EYA2: variants seen among roughly 807,000 people sequenced by gnomAD.
The protein encoded by EYA2 is protein phosphatase EYA2.
In EYA2, 31 loss-of-function variants were observed where a neutral mutation model predicts 69.2. The observed-to-expected ratio is 0.45, with a 90% CI of 0.34 to 0.60. EYA2 has a LOEUF of 0.60. EYA2 is among the 20% of genes least tolerant of loss of function. The probability of loss-of-function intolerance (pLI) is 0.02; values close to 1 mark genes in which losing one functional copy is unlikely to be tolerated. For missense variants in EYA2, 622 were observed against 701.2 expected, an observed-to-expected ratio of 0.89 and a Z score of 1.28; for synonymous variants, 257 against 279.4, an observed-to-expected ratio of 0.92 and a Z score of 0.80.
At chr20:46,994,620 G>T (rs1981896716) in intron 2 of EYA2, among the ~76,000 whole-genome samples, 1 of 152,162 alleles carries the variant, frequency 6.6e-6, no homozygotes, top group Non-Finnish European at 1.5e-5. Flanking sequence ...ATCCAAACCA[G>T]GCTGAGCTGC....
chr20:47,033,451 G>T (rs528141121), intron 5 of EYA2, among the ~76,000 whole-genome samples: 2 of 152,166 alleles, frequency 1.3e-5, no homozygotes, highest in East Asian at 3.8e-4. Context: ...ACAAAAACAG[G>T]TGACCAGCCC....
chr20:47,078,576 G>T (rs911813555), intron 7 of EYA2, among the ~76,000 whole-genome samples: 1 of 152,190 alleles, frequency 6.6e-6, no homozygotes, highest in African/African-American at 2.4e-5. Context: ...ACTCTGCATT[G>T]ACATGCATTA....
chr20:47,036,541 C>T (rs4809616), intron 5 of EYA2, among the ~76,000 whole-genome samples: 132,803 of 152,134 alleles, frequency 0.87, 58,703 homozygotes, highest in Non-Finnish European at 0.96. Flanking sequence ...AGTCATGCTT[C>T]TTGATAATAG....
At chr20:46,900,938 A>G (rs1034421683) in intron 1 of EYA2, among the ~76,000 whole-genome samples, 12 of 152,212 alleles carry the variant, frequency 7.9e-5, no homozygotes, top group African/African-American at 2.9e-4. Context: ...ATGCGCTTGA[A>G]GTGCATAAAT....
intron 5 of EYA2, among the ~76,000 whole-genome samples, chr20:47,053,158 C>T (rs560160362): frequency 6.6e-6 from 1 of 150,540 alleles, no homozygotes; most frequent in Non-Finnish European, 1.5e-5. Context: ...CCTCAAGGAT[C>T]CTTTTTAGAC....
intron 5 of EYA2, among the ~76,000 whole-genome samples, chr20:47,051,968 T>G (rs2030360761): frequency 6.6e-6 from 1 of 152,226 alleles, no homozygotes; most frequent in South Asian, 2.1e-4. Flanking sequence ...CATTCACTTT[T>G]TTCATTCAAT....
intron 2 of EYA2, among the ~76,000 whole-genome samples, chr20:47,000,247 A>G (rs182930042): frequency 9.2e-5 from 14 of 152,370 alleles, no homozygotes; most frequent in African/African-American, 2.6e-4. Context: ...AATGATGGCT[A>G]TCAGCATCAT....
At chr20:47,031,604 A>G (rs1201551556) in intron 5 of EYA2, among the ~76,000 whole-genome samples, 1 of 152,154 alleles carries the variant, frequency 6.6e-6, no homozygotes, top group Non-Finnish European at 1.5e-5. Context: ...GAATTATTAC[A>G]ACTTATCCTT....
At chr20:46,999,172 G>T (rs1320115791) in intron 2 of EYA2, among the ~76,000 whole-genome samples, 1 of 152,148 alleles carries the variant, frequency 6.6e-6, no homozygotes, top group Non-Finnish European at 1.5e-5. Context: ...AGATTTTTAT[G>T]AATATATACA....
chr20:47,092,277 G>A (rs915571868), intron 8 of EYA2, among the ~76,000 whole-genome samples: 2 of 152,132 alleles, frequency 1.3e-5, no homozygotes, highest in African/African-American at 4.8e-5. Flanking sequence ...GAGACCTGGT[G>A]CAGAGCAAGT....
intron 7 of EYA2, among the ~76,000 whole-genome samples, chr20:47,086,401 C>T (rs2031893980): frequency 6.6e-6 from 1 of 152,204 alleles, no homozygotes; most frequent in Non-Finnish European, 1.5e-5. Context: ...ATTGTCTCAT[C>T]ATTCCTCAGG....
intron 5 of EYA2, among the ~76,000 whole-genome samples, chr20:47,068,960 T>G (rs1318919567): frequency 6.6e-6 from 1 of 152,208 alleles, no homozygotes; most frequent in Non-Finnish European, 1.5e-5. Flanking sequence ...CTTTAAAACC[T>G]CTGACAGCAG....
At chr20:47,175,674 C>G (rs1188618294) in intron 12 of EYA2, among the ~76,000 whole-genome samples, 1 of 152,202 alleles carries the variant, frequency 6.6e-6, no homozygotes, top group Non-Finnish European at 1.5e-5. Context: ...GCCGAGGAAA[C>G]AGCTTGAAGC....
At chr20:46,949,167 G>A (rs1334913593) in intron 1 of EYA2, among the ~76,000 whole-genome samples, 1 of 152,170 alleles carries the variant, frequency 6.6e-6, no homozygotes, top group Non-Finnish European at 1.5e-5. Flanking sequence ...CACATACCAA[G>A]ACCTACTCAA....
intron 5 of EYA2, among the ~76,000 whole-genome samples, chr20:47,046,960 G>A (rs566524607): frequency 2.6e-5 from 4 of 152,286 alleles, no homozygotes; most frequent in South Asian, 4.1e-4. Context: ...TTTTAAGATT[G>A]TCAGGCTGGG....
intron 7 of EYA2, among the ~76,000 whole-genome samples, chr20:47,080,695 C>G (rs1438041902): frequency 6.6e-6 from 1 of 152,138 alleles, no homozygotes; most frequent in Non-Finnish European, 1.5e-5. Flanking sequence ...ATGGAGAACT[C>G]AGTTCCATGT....
chr20:47,032,275 A>G (rs1984462142), intron 5 of EYA2, among the ~76,000 whole-genome samples: 1 of 152,168 alleles, frequency 6.6e-6, no homozygotes, highest in Admixed American at 6.5e-5. Context: ...GGGCCCGGGG[A>G]ACATGCAGGG....
At chr20:47,149,938 C>T (rs561330494) in intron 10 of EYA2, among the ~76,000 whole-genome samples, 3 of 152,324 alleles carry the variant, frequency 2.0e-5, no homozygotes, top group East Asian at 1.9e-4. Flanking sequence ...AGGGGGCCTT[C>T]CTTGCTCTCC....
chr20:47,016,194 A>G lies in EYA2; in HGVS notation c.312A>G (p.Glu104=), dbSNP rs1253095850. The G allele has an allele frequency of 1.2e-6, 2 of 1,613,948 alleles. No individual in the cohort carries two copies. The highest frequency in any genetic ancestry group is 1.7e-6 in the Non-Finnish European group (2 of 1,179,828). Residue 104 remains glutamate, a synonymous_variant, in exon 5 of 16, where the codon GAA becomes GAG. Coordinates refer to ENST00000327619, the MANE Select transcript of EYA2 (RefSeq NM_005244.5). ...YGIPSYSIKT[E]DSLNHSPGQS... ...CTTCCTTCAAAGGCATCAAGACAGA[A>G]GACAGCTTGAACCATTCCCCTGGCC...
Sources: gnomAD v4.1 joint callset for allele counts (sites outside exome capture counted in the v4.1 genomes callset) on GRCh38, gnomAD v4.1.1 for gene constraint, MANE v1.5 for transcripts, NCBI Gene and HGNC (gene_info 2026-07-23, HGNC 2026-07-21) for gene names.